The following RGS7 variants were observed in gnomAD, a reference collection of about 807,000 sequenced individuals.
The protein encoded by RGS7 is regulator of G protein signaling 7, also known as regulator of G-protein signaling 7.
Under a neutral mutation model 81.1 loss-of-function variants are expected in RGS7, and 27 were observed. That is an observed-to-expected ratio of 0.33 (90% CI 0.25 to 0.46). RGS7 has a LOEUF of 0.46. Among genes scored for constraint, RGS7 ranks in the 20% least tolerant of loss-of-function variants. RGS7 has a pLI of 1.00. For synonymous variants in RGS7, 208 were observed against 207.7 expected (o/e 1.00, Z -0.01); for missense variants, 396 against 607.4 (o/e 0.65, Z 3.66).
At chr1:241,266,419 G>A (rs967332047) in intron 2 of RGS7, among the ~76,000 whole-genome samples, 4 of 152,198 alleles carry the variant, frequency 2.6e-5, no homozygotes, top group Admixed American at 2.6e-4. Context: ...ATGGAGTTCG[G>A]TATTGCCAAG....
At chr1:241,151,566 T>C (rs964742267) in intron 2 of RGS7, among the ~76,000 whole-genome samples, 1 of 99,714 alleles carries the variant, frequency 1.0e-5, no homozygotes, top group Non-Finnish European at 1.7e-5. Flanking sequence ...TTAGGAACTC[T>C]TTTTTTTTTT....
chr1:241,004,793 T>C (rs2058597308), intron 3 of RGS7, among the ~76,000 whole-genome samples: 1 of 152,156 alleles, frequency 6.6e-6, no homozygotes, highest in Non-Finnish European at 1.5e-5. Context: ...TCTTAGGACC[T>C]ACAGTCCAAC....
At chr1:241,292,024 C>G (rs1316753839) in intron 2 of RGS7, among the ~76,000 whole-genome samples, 1 of 152,022 alleles carries the variant, frequency 6.6e-6, no homozygotes, top group East Asian at 1.9e-4. Flanking sequence ...CAGATGCAGC[C>G]TTAGCCTCGG....
intron 9 of RGS7, among the ~76,000 whole-genome samples, chr1:240,831,461 G>A (rs1003188840): frequency 4.0e-5 from 6 of 151,884 alleles, no homozygotes; most frequent in South Asian, 2.1e-4. Context: ...TCTAATTGTC[G>A]GATCTTGTGA....
chr1:241,167,048 T>C (rs1288647573), intron 2 of RGS7, among the ~76,000 whole-genome samples: 1 of 152,168 alleles, frequency 6.6e-6, no homozygotes, highest in Non-Finnish European at 1.5e-5. Flanking sequence ...CACTGCTCCA[T>C]TGAATATGGG....
intron 2 of RGS7, among the ~76,000 whole-genome samples, chr1:241,340,713 G>C (rs1320776870): frequency 6.6e-6 from 1 of 151,774 alleles, no homozygotes; most frequent in Admixed American, 6.6e-5. Flanking sequence ...CAAAAGATAA[G>C]AGAAACATTC....
At chr1:240,872,005 A>G (rs184765220) in intron 6 of RGS7, among the ~76,000 whole-genome samples, 1 of 152,314 alleles carries the variant, frequency 6.6e-6, no homozygotes, top group East Asian at 1.9e-4. Context: ...TAGGTACCCT[A>G]ATGCCTTAAA....
At chr1:240,915,241 G>C (rs1672407977) in intron 6 of RGS7, among the ~76,000 whole-genome samples, 1 of 152,128 alleles carries the variant, frequency 6.6e-6, no homozygotes, top group Admixed American at 6.6e-5. Flanking sequence ...AACCACCGGG[G>C]AGTAGGGAAA....
At chr1:241,060,599 T>C (rs2061691707) in intron 3 of RGS7, among the ~76,000 whole-genome samples, 1 of 152,236 alleles carries the variant, frequency 6.6e-6, no homozygotes, top group Non-Finnish European at 1.5e-5. Flanking sequence ...CTTGATTTTC[T>C]ACCAGGGTTT....
intron 2 of RGS7, among the ~76,000 whole-genome samples, chr1:241,302,282 G>T (rs757623239): frequency 6.6e-6 from 1 of 152,204 alleles, no homozygotes; most frequent in Non-Finnish European, 1.5e-5. Flanking sequence ...GGGCGCGGTG[G>T]CTTACGCCTG....
intron 2 of RGS7, among the ~76,000 whole-genome samples, chr1:241,100,852 T>C (rs1407434642): frequency 6.6e-6 from 1 of 152,204 alleles, no homozygotes; most frequent in East Asian, 1.9e-4. Context: ...CATGTTTCTT[T>C]CCATGTGGAA....
At chr1:240,841,862 G>C (rs1006896722) in intron 9 of RGS7, among the ~76,000 whole-genome samples, 2 of 152,054 alleles carry the variant, frequency 1.3e-5, no homozygotes, top group Non-Finnish European at 2.9e-5. Context: ...TTATTTAAAG[G>C]ACCATGCCAC....
At chr1:240,800,422 G>A (rs1687842097) in intron 18 of RGS7, among the ~76,000 whole-genome samples, 1 of 152,066 alleles carries the variant, frequency 6.6e-6, no homozygotes, top group Non-Finnish European at 1.5e-5. Context: ...AAGTAGAAAT[G>A]AGTAACATTC....
intron 5 of RGS7, among the ~76,000 whole-genome samples, chr1:240,933,167 C>A (rs990055218): frequency 6.6e-6 from 1 of 151,746 alleles, no homozygotes; most frequent in South Asian, 2.1e-4. Flanking sequence ...CAGGTGTGAG[C>A]CACCGCGCCC....
intron 2 of RGS7, among the ~76,000 whole-genome samples, chr1:241,273,266 G>A (rs2078022964): frequency 7.0e-6 from 1 of 141,962 alleles, no homozygotes; most frequent in Admixed American, 7.6e-5. Flanking sequence ...TCTAGCTTTA[G>A]TTAGATTCAG....
intron 3 of RGS7, among the ~76,000 whole-genome samples, chr1:241,053,045 A>G (rs1558651103): frequency 6.6e-6 from 1 of 152,184 alleles, no homozygotes; most frequent in Admixed American, 6.5e-5. Context: ...CTTATCCTAA[A>G]GCAATCACAC....
At chr1:240,864,286 A>ATCCATGT (rs1662816623) in intron 9 of RGS7, among the ~76,000 whole-genome samples, 1 of 152,176 alleles carries the variant, frequency 6.6e-6, no homozygotes, top group Admixed American at 6.6e-5. Context: ...GTATCCCATG[A>ATCCATGT]TCCATGTTCC....
At chr1:240,907,914 C>T (rs1326650496) in intron 6 of RGS7, among the ~76,000 whole-genome samples, 1 of 152,026 alleles carries the variant, frequency 6.6e-6, no homozygotes, top group Non-Finnish European at 1.5e-5. Flanking sequence ...AAATACATGC[C>T]ATTCGTTTTG....
chr1:240,974,984 G>A (rs1683839254), intron 4 of RGS7, among the ~76,000 whole-genome samples: 1 of 151,870 alleles, frequency 6.6e-6, no homozygotes, highest in African/African-American at 2.4e-5. Flanking sequence ...TGAAGCTCAA[G>A]CATGTCTGCA....
Sources: allele counts gnomAD v4.1 joint callset (sites outside exome capture counted in the v4.1 genomes callset), GRCh38; gene constraint gnomAD v4.1.1; transcripts MANE v1.5; gene names NCBI Gene and HGNC (gene_info 2026-07-23, HGNC 2026-07-21).